PCLO: variants seen among roughly 807,000 people sequenced by gnomAD.
PCLO encodes the protein piccolo presynaptic cytomatrix protein.
In PCLO, 82 loss-of-function variants were observed where a neutral mutation model predicts 427.5. The ratio of observed to expected loss-of-function variants is 0.19; its 90% CI spans 0.16 to 0.23. The LOEUF (loss-of-function observed/expected upper bound fraction) is 0.23. Ranked by LOEUF, PCLO falls within the 10% of genes least tolerant of loss-of-function variation. The pLI, the probability that PCLO is intolerant of heterozygous loss-of-function variation, is 1.00. For missense variants in PCLO, 6,239 were observed against 6,115.9 expected (o/e 1.02, Z -0.67); for synonymous variants, 2,357 against 2,155.4 (o/e 1.09, Z -2.59).
At chr7:82,934,824 G>C (rs910154725) in intron 6 of PCLO, among the ~76,000 whole-genome samples, 7 of 151,274 alleles carry the variant, frequency 4.6e-5, no homozygotes, top group Non-Finnish European at 1.0e-4. Context: ...TTATATGATA[G>C]CACTTACATA....
intron 22 of PCLO, among the ~76,000 whole-genome samples, chr7:82,781,007 A>G (rs548796794): frequency 3.2e-4 from 49 of 152,304 alleles, no homozygotes; most frequent in African/African-American, 1.1e-3. Context: ...GTGGATTTGT[A>G]TGAGTTTTCT....
chr7:82,839,721 G>A (rs558586932), intron 14 of PCLO, among the ~76,000 whole-genome samples: 18 of 152,112 alleles, frequency 1.2e-4, no homozygotes, highest in African/African-American at 3.9e-4. Flanking sequence ...GCCACCCGAA[G>A]AGAGTGCTTT....
chr7:83,097,525 A>AAT lies in PCLO; in HGVS notation c.3300+36723_3300+36724dup, dbSNP rs796138219. 1.3e-3 allele frequency among the ~76,000 whole-genome samples: 184 copies of AAT among 145,470 alleles called. 1 individual carries two copies. The highest frequency in any genetic ancestry group is 3.3e-3 in the African/African-American group (132 of 39,810). On this transcript the variant is annotated intron_variant, in intron 3 of 24. Transcript: ENST00000333891. ...TGACAGAGCAAGACCCAGTCTCAAAAATATATATATATATATAATATATAA... is the reference window on the plus strand; with the variant it reads ...TGACAGAGCAAGACCCAGTCTCAAAAATATATATATATATATATAATATATAA...
At chr7:83,077,794 C>T (rs1405062353) in intron 3 of PCLO, among the ~76,000 whole-genome samples, 1 of 151,728 alleles carries the variant, frequency 6.6e-6, no homozygotes, top group Non-Finnish European at 1.5e-5. Flanking sequence ...TAAAAGTCAG[C>T]AAAGTGAATA....
intron 10 of PCLO, among the ~76,000 whole-genome samples, chr7:82,848,304 G>GT (rs71522632): frequency 0.034 from 2,810 of 83,846 alleles, 245 homozygotes; most frequent in African/African-American, 0.057. Context: ...CCATTAGTTA[G>GT]TTTTTTTTTT....
chr7:82,820,660 C>T (rs1791769919), intron 20 of PCLO: 1 of 1,230,732 alleles, frequency 8.1e-7, no homozygotes. Context: ...CTTTACTTTC[C>T]TCTAAGAATT....
intron 9 of PCLO, among the ~76,000 whole-genome samples, chr7:82,896,265 A>G (rs909971770): frequency 1.3e-5 from 2 of 151,856 alleles, no homozygotes; most frequent in Non-Finnish European, 2.9e-5. Context: ...ATCTCACGGA[A>G]AAACAAAATG....
chr7:82,955,373 T>G lies in PCLO; in HGVS notation c.5580A>C (p.Ser1860=), dbSNP rs1795486171. 6.2e-7 allele frequency: 1 copy of G among 1,613,672 alleles called. No homozygotes were observed. Among genetic ancestry groups the G allele is most frequent in the African/African-American group, 1.3e-5 (1 of 74,908 alleles). Residue 1860 remains serine, a synonymous_variant, in exon 5 of 25, where the codon TCA becomes TCC. Transcript: ENST00000333891. Reference sequence around the variant, plus strand: ...CTTCTGGGTCTGACTCTATGCTAGGTGAATATTCAGAACAAGAAGATCTAT... The same window carrying G: ...CTTCTGGGTCTGACTCTATGCTAGGGGAATATTCAGAACAAGAAGATCTAT... ...ELHRSSCSEY[S]PSIESDPEGF...
chr7:83,077,021 GATAT>G (rs36072134), intron 3 of PCLO, among the ~76,000 whole-genome samples: 2 of 149,904 alleles, frequency 1.3e-5, no homozygotes, highest in Admixed American at 6.7e-5. Context: ...AAAATGCATT[GATAT>G]ATATATATAT....
Position 82,954,709 on chromosome 7 carries a change from G to A in PCLO, c.6244C>T (p.Pro2082Ser). 1 of 1,613,814 alleles carries A rather than the reference G, an allele frequency of 6.2e-7. No individual in the cohort carries two copies. Among genetic ancestry groups the A allele is most frequent in the South Asian group, 1.1e-5 (1 of 91,070 alleles). Residue 2082 changes from proline to serine, a missense_variant, in exon 5 of 25, where the codon CCA (proline) becomes TCA (serine). Physicochemically the swap from Pro to Ser is moderately conservative, Grantham distance 74. This residue lies in a region of PCLO where 4,677 missense variants were observed against 4,468.4 expected (regional missense o/e 1.05). Coordinates refer to ENST00000333891, the MANE Select transcript of PCLO (RefSeq NM_033026.6). ...TCCTCACCAATGGGGGCCTGGGTTG[G>A]GCTAGATCCAGGTGTTAATTGCATC... ...QQMQLTPGSS[P>S]TQAPIGEDMT... is the part of the protein sequence containing the mutation.
At chr7:82,799,470 C>T (rs918551381) in intron 22 of PCLO, among the ~76,000 whole-genome samples, 1 of 152,136 alleles carries the variant, frequency 6.6e-6, no homozygotes, top group African/African-American at 2.4e-5. Context: ...GAAAAGGAGG[C>T]AAAATTGGGG....
rs1472612311 is a variant in PCLO at position 83,096,958 on chromosome 7, T to TATAATATATTATATATTATATAA, written c.3300+37291_3300+37292insTTATATAATATATAATATATTAT. Among the ~76,000 whole-genome samples, 8 of 47,198 alleles carry TATAATATATTATATATTATATAA rather than the reference T, an allele frequency of 1.7e-4. 1 individual carries two copies. Among genetic ancestry groups the TATAATATATTATATATTATATAA allele is most frequent in the African/African-American group, 1.6e-3 (8 of 5,036 alleles). The allele number at this position is 47,198 out of a possible 152,430, so 31.0% of individuals were successfully genotyped here. On this transcript the variant is annotated intron_variant, in intron 3 of 24. Coordinates refer to ENST00000333891, the MANE Select transcript of PCLO (RefSeq NM_033026.6). ...AATATATTATATATTATATAAATAA[T>TATAATATATTATATATTATATAA]ATAATATAATATATTATATATTATA...
At chr7:82,883,589 A>T (rs1793561286) in intron 9 of PCLO, among the ~76,000 whole-genome samples, 1 of 152,090 alleles carries the variant, frequency 6.6e-6, no homozygotes, top group African/African-American at 2.4e-5. Flanking sequence ...AACAATCCAT[A>T]TTTTACAGTT....
intron 2 of PCLO, among the ~76,000 whole-genome samples, chr7:83,137,572 A>G (rs1218927448): frequency 1.3e-5 from 2 of 151,958 alleles, no homozygotes; most frequent in African/African-American, 4.8e-5. Context: ...CTGGGACTAT[A>G]GGCGCCCACC....
intron 3 of PCLO, among the ~76,000 whole-genome samples, chr7:83,037,246 A>C (rs184952362): frequency 1.3e-5 from 2 of 152,200 alleles, no homozygotes; most frequent in Non-Finnish European, 2.9e-5. Context: ...AAATGCTTTT[A>C]AACAGTTTTC....
At chr7:82,820,747 G>T in intron 20 of PCLO, 2 of 1,231,388 alleles carry the variant, frequency 1.6e-6, no homozygotes, top group Non-Finnish European at 2.0e-6. Flanking sequence ...CCAACTGGTA[G>T]GCTAACTTGA....
intron 6 of PCLO, among the ~76,000 whole-genome samples, chr7:82,918,233 A>G (rs1794514392): frequency 6.6e-6 from 1 of 151,984 alleles, no homozygotes; most frequent in Non-Finnish European, 1.5e-5. Context: ...TTGACATGTC[A>G]TTTATTTCTT....
intron 10 of PCLO, among the ~76,000 whole-genome samples, chr7:82,878,887 A>T (rs1793434646): frequency 6.6e-6 from 1 of 152,180 alleles, no homozygotes; most frequent in Non-Finnish European, 1.5e-5. Context: ...GTGTTCCAAT[A>T]AAACAGTATT....
chr7:82,880,310 G>A (rs549061609), intron 9 of PCLO: 22 of 317,698 alleles, frequency 6.9e-5, no homozygotes, highest in Admixed American at 5.0e-4. Flanking sequence ...TGGCACATGA[G>A]TACACTTTAA....
Sources: allele counts gnomAD v4.1 joint callset (sites outside exome capture counted in the v4.1 genomes callset), GRCh38; gene constraint gnomAD v4.1.1; regional missense constraint gnomAD v4.1.1; transcripts MANE v1.5; gene names NCBI Gene and HGNC (gene_info 2026-07-23, HGNC 2026-07-21).